Variants in GNAT3 observed in about 807,000 individuals in gnomAD.
GNAT3 encodes guanine nucleotide-binding protein G(t) subunit alpha-3.
Under a neutral mutation model 37.7 loss-of-function variants are expected in GNAT3, and 31 were observed. That is an observed-to-expected ratio of 0.82 (90% CI 0.62 to 1.11). The LOEUF is 1.11. Among genes scored for constraint, GNAT3 ranks in the 50% most tolerant of loss-of-function variants. The pLI, the probability that GNAT3 is intolerant of heterozygous loss-of-function variation, is 0.00. For synonymous variants in GNAT3, 138 were observed against 139.8 expected (o/e 0.99, Z 0.09); for missense variants, 437 against 412.5 (o/e 1.06, Z -0.51).
intron 5 of GNAT3, among the ~76,000 whole-genome samples, chr7:80,464,588 A>G (rs1790102492): frequency 6.6e-6 from 1 of 152,076 alleles, no homozygotes. Flanking sequence ...GTTGGGCTTA[A>G]TGAGGAAGAG....
intron 5 of GNAT3, among the ~76,000 whole-genome samples, chr7:80,463,767 G>A (rs940984429): frequency 4.0e-5 from 6 of 151,272 alleles, no homozygotes; most frequent in Admixed American, 4.0e-4. Flanking sequence ...CTAAGTAAAC[G>A]AATAGATTCC....
chr7:80,491,174 CAT>C (rs1266257593), intron 2 of GNAT3, among the ~76,000 whole-genome samples: 9 of 152,116 alleles, frequency 5.9e-5, no homozygotes, highest in African/African-American at 2.2e-4. Context: ...AGATCAATGA[CAT>C]GTTTGGAGAC....
At chr7:80,463,685 G>A (rs905909399) in intron 5 of GNAT3, among the ~76,000 whole-genome samples, 4 of 151,700 alleles carry the variant, frequency 2.6e-5, no homozygotes, top group African/African-American at 7.3e-5. Context: ...AACGTTATCT[G>A]TATTAGTAAC....
chr7:80,488,667 A>G lies in GNAT3; in HGVS notation c.171T>C (p.His57=), dbSNP rs1245555423. The G allele has an allele frequency of 3.8e-6, 6 of 1,574,012 alleles. No individual in the cohort carries two copies. Among genetic ancestry groups the G allele is most frequent in the Non-Finnish European group, 5.2e-6 (6 of 1,156,436 alleles). Residue 57 remains histidine, a synonymous_variant, in exon 3 of 8, where the codon CAT becomes CAC. Coordinates refer to ENST00000398291, the MANE Select transcript of GNAT3 (RefSeq NM_001102386.3). ...ATTCTTGCTCACTGTAACCATTCTTATGGATGATCCTATAATTTAAACATG... is the reference window on the plus strand; with the variant it reads ...ATTCTTGCTCACTGTAACCATTCTTGTGGATGATCCTATAATTTAAACATG... ...STIVKQMKII[H]KNGYSEQECM... is the part of the protein sequence containing the mutation.
chr7:80,492,498 A>G (rs1790613849), intron 2 of GNAT3, among the ~76,000 whole-genome samples: 2 of 151,918 alleles, frequency 1.3e-5, no homozygotes, highest in African/African-American at 4.8e-5. Flanking sequence ...GTTATATAAT[A>G]TTGCAATTGA....
intron 4 of GNAT3, among the ~76,000 whole-genome samples, chr7:80,475,343 G>A (rs1384425103): frequency 4.8e-5 from 7 of 147,078 alleles, no homozygotes; most frequent in Non-Finnish European, 1.5e-5. Context: ...CTCTTGAAAC[G>A]AGATAATGTC....
chr7:80,483,803 C>T (rs928493628), intron 3 of GNAT3, among the ~76,000 whole-genome samples: 1 of 152,104 alleles, frequency 6.6e-6, no homozygotes, highest in African/African-American at 2.4e-5. Flanking sequence ...ATGAAGCCTT[C>T]TCTAATCATC....
intron 5 of GNAT3, among the ~76,000 whole-genome samples, chr7:80,464,224 G>C (rs1431420854): frequency 1.3e-5 from 2 of 151,934 alleles, no homozygotes; most frequent in Admixed American, 1.3e-4. Flanking sequence ...ATAGACTTCA[G>C]ATATCCATAT....
At chr7:80,510,173 C>A (rs915652156) in intron 1 of GNAT3, among the ~76,000 whole-genome samples, 7 of 152,104 alleles carry the variant, frequency 4.6e-5, no homozygotes, top group Non-Finnish European at 8.8e-5. Context: ...ACCTTTCTAC[C>A]TTGTTCTTTT....
intron 5 of GNAT3, among the ~76,000 whole-genome samples, chr7:80,473,155 T>C (rs1790247393): frequency 1.3e-5 from 2 of 152,132 alleles, no homozygotes; most frequent in Non-Finnish European, 1.5e-5. Context: ...TTTCCTACAT[T>C]TGCCAAGAGA....
chr7:80,465,481 T>G (rs1790115265), intron 5 of GNAT3, among the ~76,000 whole-genome samples: 1 of 152,178 alleles, frequency 6.6e-6, no homozygotes, highest in Non-Finnish European at 1.5e-5. Context: ...GCAAATTGCC[T>G]AAGAATTATT....
At chr7:80,493,943 T>C (rs11979641) in intron 2 of GNAT3, among the ~76,000 whole-genome samples, 13,417 of 142,904 alleles carry the variant, frequency 0.094, 2,542 homozygotes, top group African/African-American at 0.33. Context: ...CTTCCTGCTG[T>C]TGTTGCTGCT....
intron 5 of GNAT3, among the ~76,000 whole-genome samples, chr7:80,463,758 T>C (rs534106464): frequency 5.9e-5 from 9 of 151,634 alleles, no homozygotes; most frequent in African/African-American, 2.2e-4. Context: ...AAATATTTGC[T>C]AAGTAAACGA....
chr7:80,497,551 C>T (rs555578739), intron 1 of GNAT3, among the ~76,000 whole-genome samples: 3 of 134,212 alleles, frequency 2.2e-5, no homozygotes, highest in South Asian at 2.4e-4. Flanking sequence ...TACACATATA[C>T]GTATATACAT....
At chr7:80,509,442 T>G (rs1584203172) in intron 1 of GNAT3, among the ~76,000 whole-genome samples, 1 of 152,210 alleles carries the variant, frequency 6.6e-6, no homozygotes, top group South Asian at 2.1e-4. Context: ...AATCCAAGTA[T>G]TTTACTTACT....
intron 4 of GNAT3, 140 bp downstream of exon 4, chr7:80,478,701 A>G: frequency 1.3e-6 from 1 of 790,478 alleles, no homozygotes; most frequent in Non-Finnish European, 1.9e-6. Context: ...ATTTCTCTTT[A>G]ATTGCTTTTT....
chr7:80,473,352 AAAAT>A (rs1790250546), intron 5 of GNAT3, among the ~76,000 whole-genome samples: 1 of 152,180 alleles, frequency 6.6e-6, no homozygotes, highest in Non-Finnish European at 1.5e-5. Context: ...CACATACTTT[AAAAT>A]ATTTGAAGCT....
At chr7:80,498,827 A>T (rs1790780257) in intron 1 of GNAT3, among the ~76,000 whole-genome samples, 1 of 152,168 alleles carries the variant, frequency 6.6e-6, no homozygotes, top group South Asian at 2.1e-4. Context: ...ACAAATAATT[A>T]AATATTTAAA....
At position 80,488,576 on chromosome 7, in the gene GNAT3, T is replaced by G. The variant is rs761717231; in HGVS notation, c.262A>C (p.Met88Leu). 1.2e-6 allele frequency: 2 copies of G among 1,601,060 alleles called. No homozygotes were observed. Among genetic ancestry groups the G allele is most frequent in the South Asian group, 2.2e-5 (2 of 88,910 alleles). The change falls in exon 3 of 8, where the codon ATG (methionine) becomes CTG (leucine). Residue 88 changes from methionine (M) to leucine (L), a missense_variant. Met to Leu is a conservative substitution (Grantham distance 15). Coordinates refer to ENST00000398291, the MANE Select transcript of GNAT3 (RefSeq NM_001102386.3). ...ACATAATCAATTCCAAGGGTAGTCA[T>G]GGCTTTCACAATAGCTAGGATGGAT... The part of the protein sequence containing the change: ...LQSILAIVKA[M>L]TTLGIDYVNP...
Sources: allele counts gnomAD v4.1 joint callset (sites outside exome capture counted in the v4.1 genomes callset), GRCh38; gene constraint gnomAD v4.1.1; transcripts MANE v1.5; gene names NCBI Gene and HGNC (gene_info 2026-07-23, HGNC 2026-07-21).